The following SSH2 variants were observed in gnomAD, a reference collection of about 807,000 sequenced individuals.
SSH2 encodes slingshot protein phosphatase 2.
Under a neutral mutation model 135.2 loss-of-function variants are expected in SSH2, and 37 were observed. The ratio of observed to expected loss-of-function variants is 0.27; its 90% CI spans 0.21 to 0.36. The LOEUF is 0.36. Ranked by LOEUF, SSH2 falls within the 10% of genes least tolerant of loss-of-function variation. The pLI, the probability that SSH2 is intolerant of heterozygous loss-of-function variation, is 1.00. For synonymous variants in SSH2, 628 were observed against 646.2 expected (o/e 0.97, Z 0.43); for missense variants, 1,408 against 1,765.3 (o/e 0.80, Z 3.63).
intron 2 of SSH2, among the ~76,000 whole-genome samples, chr17:29,814,021 T>C (rs1397276557): frequency 2.2e-5 from 3 of 138,438 alleles, no homozygotes; most frequent in Non-Finnish European, 4.6e-5. Context: ...TCCCAGCTAC[T>C]AGGGAGGCTG....
At chr17:29,669,094 C>T (rs1186756997) in intron 9 of SSH2, among the ~76,000 whole-genome samples, 2 of 151,796 alleles carry the variant, frequency 1.3e-5, no homozygotes, top group East Asian at 3.9e-4. Flanking sequence ...ACTAAAAATA[C>T]AAAAATTAGC....
chr17:29,698,739 T>C (rs1043533882), intron 4 of SSH2, among the ~76,000 whole-genome samples: 3 of 152,134 alleles, frequency 2.0e-5, no homozygotes, highest in Non-Finnish European at 2.9e-5. Flanking sequence ...TCAAGCAATC[T>C]GTCTGCCTCG....
chr17:29,708,622 G>A (rs956841458), intron 3 of SSH2, among the ~76,000 whole-genome samples: 1 of 150,156 alleles, frequency 6.7e-6, no homozygotes, highest in Non-Finnish European at 1.5e-5. Context: ...CAAAAAAACC[G>A]GTTCTTTAGA....
At chr17:29,907,364 G>A (rs1404744013) in intron 1 of SSH2, among the ~76,000 whole-genome samples, 2 of 152,064 alleles carry the variant, frequency 1.3e-5, no homozygotes, top group African/African-American at 2.4e-5. Flanking sequence ...GGTGGAGTGG[G>A]GGGAGGGAGA....
At chr17:29,876,454 C>T (rs183868749) in intron 1 of SSH2, among the ~76,000 whole-genome samples, 17 of 152,160 alleles carry the variant, frequency 1.1e-4, no homozygotes, top group Admixed American at 5.2e-4. Context: ...ATTAATCCCT[C>T]GTCAGATGGG....
At chr17:29,925,203 C>A (rs2067042102) in intron 1 of SSH2, 1 of 208,872 alleles carries the variant, frequency 4.8e-6, no homozygotes, top group Admixed American at 5.9e-5. Context: ...TAGGGCACTA[C>A]AGAAAACTAA....
chr17:29,820,976 G>A (rs2042641322), intron 2 of SSH2, among the ~76,000 whole-genome samples: 1 of 152,022 alleles, frequency 6.6e-6, no homozygotes, highest in African/African-American at 2.4e-5. Context: ...TCTCTCATAT[G>A]CCCTCTAAAA....
intron 3 of SSH2, among the ~76,000 whole-genome samples, chr17:29,717,711 C>A (rs2039673922): frequency 1.3e-5 from 2 of 152,138 alleles, no homozygotes; most frequent in Admixed American, 1.3e-4. Flanking sequence ...GGGAGGCAGC[C>A]ATGCAGCTGT....
chr17:29,908,261 G>C (rs972291881), intron 1 of SSH2, among the ~76,000 whole-genome samples: 3 of 151,864 alleles, frequency 2.0e-5, no homozygotes, highest in Non-Finnish European at 4.4e-5. Context: ...AGACCAGCCT[G>C]GGCAACATAA....
At chr17:29,844,166 T>C (rs1312901384) in intron 2 of SSH2, among the ~76,000 whole-genome samples, 1 of 152,156 alleles carries the variant, frequency 6.6e-6, no homozygotes, top group East Asian at 1.9e-4. Context: ...TATAATATTA[T>C]ATCCTTCAAG....
chr17:29,730,246 C>T (rs2040134542), intron 3 of SSH2, among the ~76,000 whole-genome samples: 1 of 150,730 alleles, frequency 6.6e-6, no homozygotes, highest in Admixed American at 6.6e-5. Context: ...TGCTTGAACC[C>T]AGGAGGTTGA....
intron 6 of SSH2, among the ~76,000 whole-genome samples, chr17:29,683,667 CTG>C (rs1567874632): frequency 6.6e-6 from 1 of 151,898 alleles, no homozygotes; most frequent in Non-Finnish European, 1.5e-5. Flanking sequence ...AGGCTCATGC[CTG>C]TAATCCCAGC....
At chr17:29,663,492 T>C (rs1009689182) in intron 11 of SSH2, among the ~76,000 whole-genome samples, 2 of 152,202 alleles carry the variant, frequency 1.3e-5, no homozygotes, top group Admixed American at 6.5e-5. Flanking sequence ...AATAAGATGT[T>C]TAGACAACCT....
intron 2 of SSH2, among the ~76,000 whole-genome samples, chr17:29,830,951 T>C (rs1416962298): frequency 6.6e-6 from 1 of 152,218 alleles, no homozygotes; most frequent in Non-Finnish European, 1.5e-5. Flanking sequence ...TGGAGGCTGA[T>C]CATAAGTCCT....
At chr17:29,832,312 G>T (rs779735765) in intron 2 of SSH2, among the ~76,000 whole-genome samples, 1 of 152,044 alleles carries the variant, frequency 6.6e-6, no homozygotes, top group African/African-American at 2.4e-5. Flanking sequence ...TTAAATTTCT[G>T]GTAGAGATGG....
intron 1 of SSH2, among the ~76,000 whole-genome samples, chr17:29,852,697 G>A (rs547740895): frequency 1.3e-5 from 2 of 151,752 alleles, no homozygotes; most frequent in Middle Eastern, 3.4e-3. Context: ...GACTACAGGC[G>A]CGTGCCACCA....
chr17:29,688,384 G>A (rs776497892), intron 5 of SSH2, among the ~76,000 whole-genome samples: 3 of 152,132 alleles, frequency 2.0e-5, no homozygotes, highest in Non-Finnish European at 2.9e-5. Context: ...TACTCAAACT[G>A]TAACAGAAGT....
chr17:29,870,278 T>TA lies in SSH2; in HGVS notation c.64-21350dup, dbSNP rs34621507. On this transcript the variant is annotated intron_variant, in intron 1 of 15. Coordinates refer to ENST00000540801, the MANE Select transcript of SSH2 (RefSeq NM_001282129.2). ...GGAAATATTTCTAAAGCAGAATAGG[T>TA]AAAAAAAAAAAAAGCAAAATATGCA... Among the ~76,000 whole-genome samples, 321 of 144,264 alleles carry TA rather than the reference T, an allele frequency of 2.2e-3. 1 individual carries two copies. The highest frequency in any genetic ancestry group is 0.01 in the South Asian group (48 of 4,620). 94.6% of individuals were successfully genotyped at this position (144,264 alleles called of 152,430 possible).
intron 2 of SSH2, among the ~76,000 whole-genome samples, chr17:29,828,300 T>A (rs1320361714): frequency 6.6e-6 from 1 of 152,212 alleles, no homozygotes; most frequent in East Asian, 1.9e-4. Flanking sequence ...TTTATCTTCT[T>A]AAGCTACACA....
Sources: gnomAD v4.1 joint callset for allele counts (sites outside exome capture counted in the v4.1 genomes callset) on GRCh38, gnomAD v4.1.1 for gene constraint, MANE v1.5 for transcripts, NCBI Gene and HGNC (gene_info 2026-07-23, HGNC 2026-07-21) for gene names.